Variants in GPATCH3 observed in about 807,000 individuals in gnomAD.
GPATCH3 encodes G-patch domain containing 3, also known as G patch domain-containing protein 3.
A neutral mutation model predicts 53.2 loss-of-function variants in GPATCH3; 45 were observed. The observed-to-expected ratio is 0.85, with a 90% CI of 0.67 to 1.08. The LOEUF is 1.08. Ranked by LOEUF, GPATCH3 falls within the 50% of genes least tolerant of loss-of-function variation. The probability of loss-of-function intolerance (pLI) is 0.00; values close to 1 mark genes in which losing one functional copy is unlikely to be tolerated. For missense variants in GPATCH3, 680 were observed against 687.2 expected (o/e 0.99, Z 0.12); for synonymous variants, 280 against 270.6 (o/e 1.03, Z -0.34).
In GPATCH3 at chr1:26,897,731, A is replaced by G. The variant is rs575474492; in HGVS notation, c.452-6T>C. ...GAAGGGAAAGGAGCCCAGACCTTGG[A>G]AAGGAGGGAGAATAGATCTTGAAAC... On this transcript the variant is annotated splice_polypyrimidine_tract_variant and splice_region_variant and intron_variant, in intron 1 of 6. Coordinates refer to ENST00000361720, the MANE Select transcript of GPATCH3 (RefSeq NM_022078.3). The G allele has an allele frequency of 1.3e-5, 20 of 1,596,806 alleles. No homozygotes were observed. The African/African-American group carries it at 2.6e-4, about 20-fold the overall frequency.
chr1:26,893,706 A>G (rs1283846888), intron 3 of GPATCH3, among the ~76,000 whole-genome samples: 1 of 151,622 alleles, frequency 6.6e-6, no homozygotes, highest in African/African-American at 2.4e-5. Context: ...TTTTTCATAG[A>G]GACGAGGTTT....
intron 2 of GPATCH3, among the ~76,000 whole-genome samples, chr1:26,896,090 T>C (rs2124024745): frequency 6.6e-6 from 1 of 152,200 alleles, no homozygotes; most frequent in African/African-American, 2.4e-5. Flanking sequence ...GAAGTGAGAG[T>C]GGAGGCTACT....
intron 2 of GPATCH3, among the ~76,000 whole-genome samples, chr1:26,895,777 C>T (rs1486374664): frequency 2.0e-5 from 3 of 151,970 alleles, no homozygotes; most frequent in African/African-American, 4.8e-5. Flanking sequence ...GCTAGGACTA[C>T]AGGCACCACG....
rs774298569 is a variant in GPATCH3 at position 26,897,397 on chromosome 1, G to C, written c.780C>G (p.Pro260=). The C allele has an allele frequency of 3.1e-6, 5 of 1,613,994 alleles. No individual in the cohort carries two copies. The African/African-American group carries it at 4.0e-5, about 13-fold the overall frequency. The change falls in exon 2 of 7, where the codon CCC becomes CCG. Residue 260 remains proline (P), a synonymous_variant. Coordinates refer to ENST00000361720, the MANE Select transcript of GPATCH3 (RefSeq NM_022078.3). Reference sequence around the variant, plus strand: ...GTATATCTGCCAGGTAGGTTCCTTGGGGTATTTCTTCACCCTCTGCTGTAT... The same window carrying C: ...GTATATCTGCCAGGTAGGTTCCTTGCGGTATTTCTTCACCCTCTGCTGTAT... ...LVYTAEGEEI[P]QGTYLADIPA... is the part of the protein sequence containing the mutation.
chr1:26,897,021 CA>C (rs5773170), intron 2 of GPATCH3, among the ~76,000 whole-genome samples: 22,090 of 98,188 alleles, frequency 0.22, 1,657 homozygotes, highest in African/African-American at 0.29. Context: ...GACTCCGTCT[CA>C]AAAAAAAAAA....
At chr1:26,892,044 T>C (rs1435003156) in intron 6 of GPATCH3, among the ~76,000 whole-genome samples, 2 of 152,098 alleles carry the variant, frequency 1.3e-5, no homozygotes, top group East Asian at 1.9e-4. Context: ...GATTTCACCA[T>C]GTTGGCCAGG....
At position 26,897,395 on chromosome 1, in the gene GPATCH3, T is replaced by C; in HGVS notation, c.782A>G (p.Gln261Arg). ...TGGTATATCTGCCAGGTAGGTTCCT[T>C]GGGGTATTTCTTCACCCTCTGCTGT... ...VYTAEGEEIP[Q>R]GTYLADIPAS... The change falls in exon 2 of 7, where the codon CAA becomes CGA. Residue 261 changes from glutamine (Q) to arginine (R), a missense_variant. Transcript: ENST00000361720. The C allele has an allele frequency of 6.2e-7, 1 of 1,614,182 alleles. No homozygotes were observed. The highest frequency in any genetic ancestry group is 8.5e-7 in the Non-Finnish European group (1 of 1,180,036).
chr1:26,899,955 G>A, intron 1 of GPATCH3, 37 bp downstream of exon 1: 1 of 1,588,824 alleles, frequency 6.3e-7, no homozygotes, highest in South Asian at 1.1e-5. Flanking sequence ...TCTGTTCCAG[G>A]CCCGTAGGCC....
intron 2 of GPATCH3, among the ~76,000 whole-genome samples, chr1:26,895,984 T>A (rs1030277997): frequency 2.0e-5 from 3 of 152,298 alleles, no homozygotes; most frequent in South Asian, 2.1e-4. Flanking sequence ...TACACATTTT[T>A]AAAAAAGTTT....
chr1:26,890,545 G>T lies in GPATCH3; in HGVS notation c.*465C>A. The T allele has an allele frequency of 3.3e-6, 1 of 306,640 alleles. No homozygotes were observed. Among genetic ancestry groups the T allele is most frequent in the Non-Finnish European group, 6.3e-6 (1 of 157,792 alleles). 19.0% of individuals were successfully genotyped at this position (306,640 alleles called of 1,614,324 possible). ...GTCGCACACCCAAGCCACCTCCCGCGGACTCTCCGCTGGCAGTCCCACCCA... is the reference window on the plus strand; with the variant it reads ...GTCGCACACCCAAGCCACCTCCCGCTGACTCTCCGCTGGCAGTCCCACCCA... On this transcript the variant is annotated 3_prime_UTR_variant, in exon 7 of 7. Transcript: ENST00000361720.
chr1:26,891,185 C>T lies in GPATCH3; in HGVS notation c.1403G>A (p.Arg468Lys). The change falls in exon 7 of 7, where the codon AGG (arginine) becomes AAG (lysine). Residue 468 changes from arginine (R) to lysine (K), a missense_variant. Arg to Lys is a conservative substitution (Grantham distance 26, BLOSUM62 2). Coordinates refer to ENST00000361720, the MANE Select transcript of GPATCH3 (RefSeq NM_022078.3). ...EKLQPFGQLK[R>K]PRRNGLGLIS... is the part of the protein sequence containing the mutation. ...GAGCCCCAAGCCATTTCTACGGGGCCTCTTCAGTTGCCCAAATGGCTGTAG... is the reference window on the plus strand; with the variant it reads ...GAGCCCCAAGCCATTTCTACGGGGCTTCTTCAGTTGCCCAAATGGCTGTAG... The T allele has an allele frequency of 6.2e-7, 1 of 1,613,922 alleles. No individual in the cohort carries two copies. The highest frequency in any genetic ancestry group is 8.5e-7 in the Non-Finnish European group (1 of 1,179,938).
At chr1:26,897,259 C>T (rs1220326718) in intron 2 of GPATCH3, 42 bp downstream of exon 2, 1 of 1,587,750 alleles carries the variant, frequency 6.3e-7, no homozygotes. Context: ...CCTTCGGCCT[C>T]TTTCAGCTGC....
intron 6 of GPATCH3, 115 bp downstream of exon 6, chr1:26,892,296 T>C: frequency 3.0e-6 from 4 of 1,312,452 alleles, no homozygotes; most frequent in Non-Finnish European, 4.3e-6. Context: ...CTTAACTGTT[T>C]TGAATTTCAT....
chr1:26,897,989 T>C (rs2124029670), intron 1 of GPATCH3, among the ~76,000 whole-genome samples: 1 of 152,004 alleles, frequency 6.6e-6, no homozygotes, highest in South Asian at 2.1e-4. Flanking sequence ...TATAAAAAAA[T>C]TAGCTGGGAG....
Position 26,891,027 on chromosome 1 carries a change from G to A in GPATCH3, c.1561C>T (p.Pro521Ser), listed in dbSNP as rs1013482022. 3 of 1,613,932 alleles carry A rather than the reference G, an allele frequency of 1.9e-6. No individual in the cohort carries two copies. The highest frequency in any genetic ancestry group is 2.2e-5 in the East Asian group (1 of 44,888). The change falls in exon 7 of 7, where the codon CCC becomes TCC. Residue 521 changes from proline to serine, a missense_variant. By Grantham distance (74) the Pro-to-Ser change is moderately conservative (BLOSUM62 -1). Coordinates refer to ENST00000361720, the MANE Select transcript of GPATCH3 (RefSeq NM_022078.3). The part of the protein sequence containing the change: ...VRGSSCASDS[P>S]SLPD The stretch of plus-strand genomic sequence containing the variant: ...CAACCCGGTCAGTCAGGCAATGAGG[G>A]GCTGTCTGAAGCACAACTGGAACCC...
At chr1:26,896,974 A>G (rs1314625165) in intron 2 of GPATCH3, among the ~76,000 whole-genome samples, 1 of 151,500 alleles carries the variant, frequency 6.6e-6, no homozygotes, top group Admixed American at 6.6e-5. Context: ...GTGAGCCGAG[A>G]TCGTGCCACT....
chr1:26,892,472 A>G lies in GPATCH3; in HGVS notation c.1300T>C (p.Ser434Pro). 1.2e-6 allele frequency: 2 copies of G among 1,613,912 alleles called. No homozygotes were observed. The highest frequency in any genetic ancestry group is 1.7e-6 in the Non-Finnish European group (2 of 1,179,834). The change falls in exon 6 of 7, where the codon TCA becomes CCA. Residue 434 changes from serine (S) to proline (P), a missense_variant. Physicochemically the swap from Ser to Pro is moderately conservative, Grantham distance 74. Transcript: ENST00000361720. ...AEGQGLGCRC[S>P]GVPEALDSDG... The stretch of plus-strand genomic sequence containing the variant: ...CTATCCAGGGCCTCAGGCACCCCTG[A>G]GCACCTGCAGCCCAGGCCCTGGCCC...
chr1:26,900,340 G>A lies in GPATCH3; in HGVS notation c.103C>T (p.Gln35Ter), dbSNP rs1458809872. The change falls in exon 1 of 7, where the codon CAG (glutamine) becomes TAG (stop). Residue 35 changes from glutamine to a stop codon, truncating the protein, a stop_gained. Transcript: ENST00000361720. LOFTEE classifies it high-confidence loss of function. ...CCACCGCCGCGCTCTTCTCGGAACT[G>A]GCTAAAATAGCTCCGTAAATGGGCC... ...RSAHLRSYFS[Q>*]FREERGGGFL... 3 of 1,614,102 alleles carry A rather than the reference G, an allele frequency of 1.9e-6. No homozygotes were observed. The highest frequency in any genetic ancestry group is 1.7e-6 in the Non-Finnish European group (2 of 1,180,038).
chr1:26,894,041 C>CG (rs1280147672), intron 3 of GPATCH3, among the ~76,000 whole-genome samples, 195 bp downstream of exon 3: 2 of 148,918 alleles, frequency 1.3e-5, no homozygotes, highest in Non-Finnish European at 3.0e-5. Context: ...GGGGGCGGGG[C>CG]GGGGGGCATT....
Sources: gnomAD v4.1 joint callset for allele counts (sites outside exome capture counted in the v4.1 genomes callset) on GRCh38, gnomAD v4.1.1 for gene constraint, MANE v1.5 for transcripts, NCBI Gene and HGNC (gene_info 2026-07-23, HGNC 2026-07-21) for gene names.